Variants in ADK observed in about 807,000 individuals in gnomAD.
ADK encodes adenosine kinase.
In ADK, 24 loss-of-function variants were observed where a neutral mutation model predicts 44.7. The observed-to-expected ratio is 0.54, with a 90% CI of 0.39 to 0.76. The LOEUF is 0.76. ADK is among the 30% of genes least tolerant of loss of function. ADK has a pLI of 0.00. For synonymous variants in ADK, 128 were observed against 142.6 expected, an observed-to-expected ratio of 0.90 and a Z score of 0.73; for missense variants, 321 against 425.1, an observed-to-expected ratio of 0.76 and a Z score of 2.15.
At chr10:74,177,039 G>T (rs972572679) in intron 1 of ADK, among the ~76,000 whole-genome samples, 4 of 152,230 alleles carry the variant, frequency 2.6e-5, no homozygotes, top group Non-Finnish European at 5.9e-5. Context: ...TTTCATTTGG[G>T]CATTTCTGCT....
At chr10:74,316,072 T>C (rs994438955) in intron 4 of ADK, among the ~76,000 whole-genome samples, 1 of 151,906 alleles carries the variant, frequency 6.6e-6, no homozygotes, top group African/African-American at 2.4e-5. Context: ...ACCCCGTCTC[T>C]CCTAAAAAAA....
At chr10:74,416,031 TATAC>T (rs879914538) in intron 6 of ADK, among the ~76,000 whole-genome samples, 13 of 82,866 alleles carry the variant, frequency 1.6e-4, no homozygotes, top group Non-Finnish European at 2.2e-4. Flanking sequence ...CACATACATA[TATAC>T]ACACACACAC....
At chr10:74,541,491 T>C (rs1007009610) in intron 7 of ADK, among the ~76,000 whole-genome samples, 1 of 152,196 alleles carries the variant, frequency 6.6e-6, no homozygotes, top group African/African-American at 2.4e-5. Context: ...AGTCTTTGTC[T>C]TTATGACCAT....
intron 6 of ADK, among the ~76,000 whole-genome samples, chr10:74,510,325 A>C (rs1848255655): frequency 6.6e-6 from 1 of 152,048 alleles, no homozygotes; most frequent in South Asian, 2.1e-4. Flanking sequence ...GATGTTGGGC[A>C]CTTTTTCATA....
At chr10:74,344,118 A>G (rs575836116) in intron 4 of ADK, among the ~76,000 whole-genome samples, 2 of 152,302 alleles carry the variant, frequency 1.3e-5, no homozygotes, top group East Asian at 3.9e-4. Flanking sequence ...TCATTCTCAT[A>G]TGAGTATCAG....
chr10:74,699,148 C>CT lies in ADK; in HGVS notation c.965-9153dup, dbSNP rs58818883. Among the ~76,000 whole-genome samples the CT allele has an allele frequency of 4.9e-3, 608 of 123,912 alleles. 7 individuals carry two copies. The highest frequency in any genetic ancestry group is 0.017 in the African/African-American group (537 of 32,132). 81.3% of individuals were successfully genotyped at this position (123,912 alleles called of 152,430 possible). On this transcript the variant is annotated intron_variant, in intron 10 of 10. Coordinates refer to ENST00000539909, the MANE Select transcript of ADK (RefSeq NM_006721.4). ...TGAGGCATGAGCCACCCAACCTAGCCTTTTTTTTTTTTTTTTTTTTAATAC... is the reference window on the plus strand; with the variant it reads ...TGAGGCATGAGCCACCCAACCTAGCCTTTTTTTTTTTTTTTTTTTTTAATAC...
At chr10:74,459,746 A>G (rs1309361467) in intron 6 of ADK, among the ~76,000 whole-genome samples, 2 of 151,334 alleles carry the variant, frequency 1.3e-5, no homozygotes, top group Non-Finnish European at 2.9e-5. Flanking sequence ...AAAAAAAGAA[A>G]AAAAAGAAAG....
chr10:74,190,774 A>G (rs567198311), intron 1 of ADK, among the ~76,000 whole-genome samples: 1 of 152,236 alleles, frequency 6.6e-6, no homozygotes, highest in East Asian at 1.9e-4. Flanking sequence ...ACTGGCTGCT[A>G]GGCTCCAGGA....
At chr10:74,581,145 A>G (rs920867589) in intron 7 of ADK, among the ~76,000 whole-genome samples, 1 of 152,154 alleles carries the variant, frequency 6.6e-6, no homozygotes, top group Admixed American at 6.6e-5. Context: ...AATGATACAG[A>G]TGTTAGGATT....
chr10:74,462,720 A>G (rs1365492942), intron 6 of ADK, among the ~76,000 whole-genome samples: 1 of 152,182 alleles, frequency 6.6e-6, no homozygotes, highest in African/African-American at 2.4e-5. Flanking sequence ...CTTGTTAACT[A>G]TCTAGCGTCC....
chr10:74,435,875 T>C (rs1327416041), intron 6 of ADK, among the ~76,000 whole-genome samples: 2 of 152,218 alleles, frequency 1.3e-5, no homozygotes, highest in African/African-American at 2.4e-5. Flanking sequence ...AGAGTGTTCA[T>C]TGCTGGAACA....
intron 1 of ADK, among the ~76,000 whole-genome samples, chr10:74,172,916 A>C (rs1357012753): frequency 2.0e-5 from 3 of 151,878 alleles, no homozygotes; most frequent in Non-Finnish European, 4.4e-5. Context: ...AAAAAAAAAA[A>C]AAAACGGTTA....
At chr10:74,395,439 A>G (rs1843475277) in intron 5 of ADK, among the ~76,000 whole-genome samples, 1 of 152,134 alleles carries the variant, frequency 6.6e-6, no homozygotes, top group African/African-American at 2.4e-5. Flanking sequence ...TATGAAAGGC[A>G]TTTTCAGATC....
chr10:74,178,035 G>A (rs1269043791), intron 1 of ADK, among the ~76,000 whole-genome samples: 1 of 149,902 alleles, frequency 6.7e-6, no homozygotes, highest in African/African-American at 2.5e-5. Flanking sequence ...TCCGCCTCCC[G>A]GGTTCAAACG....
At chr10:74,555,066 G>T (rs545750943) in intron 7 of ADK, among the ~76,000 whole-genome samples, 14 of 152,288 alleles carry the variant, frequency 9.2e-5, no homozygotes, top group Non-Finnish European at 2.1e-4. Context: ...GGAGGCCAAG[G>T]CAGGAAGATC....
At chr10:74,249,444 C>G (rs1023224668) in intron 3 of ADK, among the ~76,000 whole-genome samples, 3 of 151,932 alleles carry the variant, frequency 2.0e-5, no homozygotes, top group Admixed American at 6.6e-5. Flanking sequence ...TTAAGACTTT[C>G]AGAAAGAAAT....
chr10:74,339,770 CAG>C (rs1841524714), intron 4 of ADK, among the ~76,000 whole-genome samples: 1 of 152,154 alleles, frequency 6.6e-6, no homozygotes, highest in Non-Finnish European at 1.5e-5. Flanking sequence ...TGATATTTAA[CAG>C]AGATATGTTT....
At chr10:74,557,263 A>G (rs534651612) in intron 7 of ADK, among the ~76,000 whole-genome samples, 1 of 152,346 alleles carries the variant, frequency 6.6e-6, no homozygotes, top group African/African-American at 2.4e-5. Flanking sequence ...ATATTTGACT[A>G]CTGATGGGGG....
chr10:74,484,054 G>A (rs1322895086), intron 6 of ADK, among the ~76,000 whole-genome samples: 2 of 152,080 alleles, frequency 1.3e-5, no homozygotes, highest in Admixed American at 6.6e-5. Flanking sequence ...TGCCCCAGTC[G>A]TAGGTACCAT....
Sources: allele counts gnomAD v4.1 joint callset (sites outside exome capture counted in the v4.1 genomes callset), GRCh38; gene constraint gnomAD v4.1.1; transcripts MANE v1.5; gene names NCBI Gene and HGNC (gene_info 2026-07-23, HGNC 2026-07-21).